The following ZNF827 variants were observed in gnomAD, a reference collection of about 807,000 sequenced individuals.
ZNF827 encodes the protein zinc finger protein 827.
In ZNF827, 13 loss-of-function variants were observed where a neutral mutation model predicts 102.4. The observed-to-expected ratio is 0.13, with a 90% confidence interval of 0.08 to 0.20. ZNF827 has a LOEUF of 0.20. Ranked by LOEUF, ZNF827 falls within the 10% of genes least tolerant of loss-of-function variation. The pLI, the probability that ZNF827 is intolerant of heterozygous loss-of-function variation, is 1.00. For missense variants in ZNF827, 1,103 were observed against 1,344.4 expected, an observed-to-expected ratio of 0.82 and a Z score of 2.81; for synonymous variants, 523 against 536.2, an observed-to-expected ratio of 0.98 and a Z score of 0.34.
chr4:145,902,251 TGGAGGTGGC>T lies in ZNF827; in HGVS notation c.999_1007del (p.Pro341_Pro343del), dbSNP rs1340768786. 1.1e-5 allele frequency: 18 copies of T among 1,569,632 alleles called. No individual in the cohort carries two copies. The highest frequency in any genetic ancestry group is 1.6e-5 in the Non-Finnish European group (18 of 1,152,114). On this transcript the variant is annotated inframe_deletion, in exon 2 of 15. Coordinates refer to ENST00000508784, the MANE Select transcript of ZNF827 (RefSeq NM_001306215.2). This position sits in a 1 kb window ranked among gnomAD's most constrained non-coding sequence, Gnocchi z 4.3. ...ATTGTGGTGGTGGTGGTGGAGGTGGTGGAGGTGGCGGTGGAGGTGGCGGAGTGACTTTTT... is the reference window on the plus strand; with the variant it reads ...ATTGTGGTGGTGGTGGTGGAGGTGGTGGTGGAGGTGGCGGAGTGACTTTTT...
intron 8 of ZNF827, among the ~76,000 whole-genome samples, chr4:145,786,589 C>G (rs1340413268): frequency 6.6e-6 from 1 of 152,094 alleles, no homozygotes. Context: ...TAGGTTAAAA[C>G]CTACCAGGTC....
chr4:145,798,687 T>C (rs185074886), intron 8 of ZNF827, among the ~76,000 whole-genome samples: 18 of 152,156 alleles, frequency 1.2e-4, no homozygotes, highest in Admixed American at 5.2e-4. Context: ...ATAACAACAA[T>C]AATAATAATT....
intron 8 of ZNF827, among the ~76,000 whole-genome samples, chr4:145,782,343 T>C (rs1320869927): frequency 2.6e-5 from 4 of 152,160 alleles, no homozygotes; most frequent in East Asian, 1.9e-4. Context: ...AGGCCCGTTC[T>C]TTTTTCCAGG....
At chr4:145,826,907 C>T (rs953669372) in intron 7 of ZNF827, among the ~76,000 whole-genome samples, 6 of 152,110 alleles carry the variant, frequency 3.9e-5, no homozygotes, top group Non-Finnish European at 5.9e-5. Flanking sequence ...CCACCACGCC[C>T]GACTAATTTT....
intron 8 of ZNF827, among the ~76,000 whole-genome samples, chr4:145,818,265 G>T (rs1237965890): frequency 6.6e-6 from 1 of 152,226 alleles, no homozygotes; most frequent in Non-Finnish European, 1.5e-5. Context: ...CAGAAAGAGA[G>T]AAAATGTGCT....
chr4:145,766,777 A>G (rs930880213), intron 11 of ZNF827, among the ~76,000 whole-genome samples: 1 of 152,216 alleles, frequency 6.6e-6, no homozygotes, highest in African/African-American at 2.4e-5. Context: ...GCTAGAAATA[A>G]TGCCTGTTTC....
rs75997156 is a variant in ZNF827 at position 145,775,914 on chromosome 4, G to A, written c.2568C>T (p.Cys856=). The part of the protein sequence containing the change: ...KCHLCPYAAK[C]RANLNQHLTV... ...TCAAGTGCTGGTTCAGATTTGCACG[G>A]CACTTAGCAGCATAGGGGCACAAGT... The change falls in exon 10 of 15, where the codon TGC becomes TGT. Residue 856 remains cysteine, a synonymous_variant. Transcript: ENST00000508784. The A allele has an allele frequency of 6.2e-7, 1 of 1,614,172 alleles. No individual in the cohort carries two copies. Among genetic ancestry groups the A allele is most frequent in the Non-Finnish European group, 8.5e-7 (1 of 1,180,022 alleles).
At chr4:145,851,701 C>A (rs577749618) in intron 5 of ZNF827, among the ~76,000 whole-genome samples, 9 of 152,284 alleles carry the variant, frequency 5.9e-5, no homozygotes, top group Non-Finnish European at 1.2e-4. Flanking sequence ...TCCCTCCCCC[C>A]TTTCCCTACT....
intron 2 of ZNF827, 54 bp from the exon 3 acceptor site, chr4:145,892,469 A>C: frequency 6.6e-7 from 1 of 1,524,390 alleles, no homozygotes; most frequent in Non-Finnish European, 8.8e-7. Context: ...GGTACACTGC[A>C]TCTGGCATTA....
chr4:145,868,998 TA>T (rs1471350922), intron 5 of ZNF827, among the ~76,000 whole-genome samples: 3 of 152,234 alleles, frequency 2.0e-5, no homozygotes, highest in Admixed American at 6.5e-5. Flanking sequence ...ACATCCTTTA[TA>T]AAAATATTCA....
At chr4:145,824,271 A>G (rs1411503388) in intron 7 of ZNF827, among the ~76,000 whole-genome samples, 1 of 152,240 alleles carries the variant, frequency 6.6e-6, no homozygotes, top group East Asian at 1.9e-4. Context: ...TTTTAATTAG[A>G]GAACTCTAAC....
Position 145,765,888 on chromosome 4 carries a change from C to T in ZNF827, c.2861-150G>A. On this transcript the variant is annotated intron_variant, in intron 11 of 14. Transcript: ENST00000508784. The surrounding 1 kb of genome is among the most constrained non-coding windows in gnomAD (Gnocchi z 4.7). Reference sequence around the variant, plus strand: ...CAGCTCCCCCACTGCTGGGGGATCCCAGGTCCTAAGGCACCTACCTCCTTT... The same window carrying T: ...CAGCTCCCCCACTGCTGGGGGATCCTAGGTCCTAAGGCACCTACCTCCTTT... 1.3e-6 allele frequency: 1 copy of T among 741,906 alleles called. No individual in the cohort carries two copies. The highest frequency in any genetic ancestry group is 2.1e-6 in the Non-Finnish European group (1 of 476,014). 46.0% of individuals were successfully genotyped at this position (741,906 alleles called of 1,614,324 possible). A position where few individuals can be genotyped will look rare whatever the true frequency, so the allele number is the denominator to read the frequency against.
chr4:145,885,815 G>A lies in ZNF827; in HGVS notation c.1610C>T (p.Thr537Ile), dbSNP rs768113858. 3.1e-6 allele frequency: 5 copies of A among 1,613,890 alleles called. No individual in the cohort carries two copies. In the South Asian group the frequency reaches 4.4e-5, roughly 14 times the overall value. The change falls in exon 4 of 15, where the codon ACT (threonine) becomes ATT (isoleucine). Residue 537 changes from threonine to isoleucine, a missense_variant. Around this residue, in one of 5 missense-constraint regions of ZNF827, gnomAD observed 157 missense variants for 211.7 expected, o/e 0.74. Transcript: ENST00000508784. Reference protein sequence around the residue: ...KEDNGLPTSFTLNAADRPANH... With the variant: ...KEDNGLPTSFILNAADRPANH... ...GGCGGGCCTGTCGGCAGCATTCAAA[G>A]TAAAGGAGGTGGGCAGGCCGTTATC...
chr4:145,826,686 A>C (rs10011020), intron 7 of ZNF827, among the ~76,000 whole-genome samples: 45,195 of 152,190 alleles, frequency 0.3, 7,471 homozygotes, highest in East Asian at 0.69. Context: ...ATGTATGCAT[A>C]GGAAAAAGCA....
At chr4:145,798,129 G>A (rs1429987128) in intron 8 of ZNF827, among the ~76,000 whole-genome samples, 2 of 152,132 alleles carry the variant, frequency 1.3e-5, no homozygotes, top group East Asian at 3.8e-4. Context: ...CTTCCTCCAC[G>A]GACTTCATGT....
intron 8 of ZNF827, among the ~76,000 whole-genome samples, chr4:145,784,736 C>T (rs1738602159): frequency 6.6e-6 from 1 of 152,114 alleles, no homozygotes; most frequent in African/African-American, 2.4e-5. Context: ...TAAATTTTTG[C>T]TCTTCTTCAT....
chr4:145,774,836 G>A (rs1279330997), intron 10 of ZNF827, among the ~76,000 whole-genome samples, 164 bp from the exon 11 acceptor site: 1 of 152,120 alleles, frequency 6.6e-6, no homozygotes, highest in African/African-American at 2.4e-5. Flanking sequence ...CTGCTTTCTG[G>A]GATGCCTCTA....
At chr4:145,891,628 G>A (rs1405518792) in intron 3 of ZNF827, among the ~76,000 whole-genome samples, 1 of 152,154 alleles carries the variant, frequency 6.6e-6, no homozygotes, top group Non-Finnish European at 1.5e-5. Context: ...TGTAATCCTG[G>A]GAATTATGAT....
At chr4:145,871,553 C>G (rs1258149324) in intron 4 of ZNF827, among the ~76,000 whole-genome samples, 1 of 152,176 alleles carries the variant, frequency 6.6e-6, no homozygotes, top group African/African-American at 2.4e-5. Flanking sequence ...GAGGTAGGAA[C>G]TTAGGATTGA....
Sources: gnomAD v4.1 joint callset for allele counts (sites outside exome capture counted in the v4.1 genomes callset) on GRCh38, gnomAD v4.1.1 for gene constraint, gnomAD v4.1.1 regional missense constraint, Gnocchi (gnomAD v3.1) non-coding constraint, MANE v1.5 for transcripts, NCBI Gene and HGNC (gene_info 2026-07-23, HGNC 2026-07-21) for gene names.